The following NRG1 variants were observed in gnomAD, a reference collection of about 807,000 sequenced individuals.
NRG1 encodes the protein pro-neuregulin-1, membrane-bound isoform.
Under a neutral mutation model 63.8 loss-of-function variants are expected in NRG1, and 18 were observed. The observed-to-expected ratio is 0.28, with a 90% CI of 0.19 to 0.42. The LOEUF (loss-of-function observed/expected upper bound fraction) is 0.42. Ranked by LOEUF, NRG1 falls within the 10% of genes least tolerant of loss-of-function variation. NRG1 has a pLI of 1.00. For synonymous variants in NRG1, 302 were observed against 301.3 expected, an observed-to-expected ratio of 1.00 and a Z score of -0.02; for missense variants, 762 against 814.7, an observed-to-expected ratio of 0.94 and a Z score of 0.79.
intron 1 of NRG1, among the ~76,000 whole-genome samples, chr8:32,156,926 G>T (rs1335012287): frequency 6.6e-6 from 1 of 152,134 alleles, no homozygotes; most frequent in Non-Finnish European, 1.5e-5. Context: ...AACAGAGTGA[G>T]ACCCTATCTC....
intron 1 of NRG1, among the ~76,000 whole-genome samples, chr8:32,329,581 C>T (rs867633298): frequency 2.6e-5 from 4 of 152,126 alleles, no homozygotes; most frequent in African/African-American, 7.2e-5. Flanking sequence ...AAGTTGATGG[C>T]TCTCAGTCCT....
intron 1 of NRG1, among the ~76,000 whole-genome samples, chr8:32,392,790 TA>T (rs1811944349): frequency 6.6e-6 from 1 of 152,182 alleles, no homozygotes. Flanking sequence ...GAGTCTTAAG[TA>T]AAAATCTTTT....
chr8:32,580,363 G>A (rs1840422739), intron 1 of NRG1, among the ~76,000 whole-genome samples: 2 of 152,072 alleles, frequency 1.3e-5, no homozygotes, highest in Non-Finnish European at 2.9e-5. Context: ...TCAACTCTAA[G>A]TGGGCAGTTA....
intron 1 of NRG1, among the ~76,000 whole-genome samples, chr8:31,988,338 T>TA (rs1810444646): frequency 6.6e-6 from 1 of 152,100 alleles, no homozygotes; most frequent in Admixed American, 6.6e-5. Context: ...CCCACTCCCC[T>TA]AGTCCTCTTC....
At chr8:31,787,365 A>G (rs1249803766) in intron 1 of NRG1, among the ~76,000 whole-genome samples, 1 of 152,054 alleles carries the variant, frequency 6.6e-6, no homozygotes, top group African/African-American at 2.4e-5. Flanking sequence ...CAGGGATTTA[A>G]ATAATGATTA....
rs143245706 is a variant in NRG1 at position 31,745,690 on chromosome 8, T to C, written c.37+106259T>C. ...GCATTAATATTTCTTTATGTATACA[T>C]TGAGACTCTGTGATGATACCTACCG... On this transcript the variant is annotated intron_variant, in intron 1 of 10. Coordinates refer to the NRG1 transcript ENST00000519301. 1.5e-4 allele frequency among the ~76,000 whole-genome samples: 23 copies of C among 152,044 alleles called. No homozygotes were observed. In the East Asian group the frequency reaches 3.7e-3, roughly 24 times the overall value.
At chr8:32,403,224 G>C (rs946452760) in intron 1 of NRG1, among the ~76,000 whole-genome samples, 1 of 149,912 alleles carries the variant, frequency 6.7e-6, no homozygotes, top group African/African-American at 2.5e-5. Flanking sequence ...CTTGAACCTG[G>C]AAGGCAGAAA....
chr8:32,649,449 TTAG>T (rs1430031365), intron 5 of NRG1, among the ~76,000 whole-genome samples: 1 of 152,182 alleles, frequency 6.6e-6, no homozygotes, highest in Non-Finnish European at 1.5e-5. Context: ...GAATATTTAC[TTAG>T]TAGAAAAGTA....
At chr8:32,734,309 C>T (rs903824005) in intron 6 of NRG1, among the ~76,000 whole-genome samples, 13 of 152,126 alleles carry the variant, frequency 8.5e-5, no homozygotes, top group Non-Finnish European at 1.0e-4. Flanking sequence ...AAGGGGGCAA[C>T]GGTACAAACT....
chr8:31,745,443 G>A lies in NRG1; in HGVS notation c.37+106012G>A, dbSNP rs567534931. On this transcript the variant is annotated intron_variant, in intron 1 of 10. Coordinates refer to the NRG1 transcript ENST00000519301. ...TGCAAATATAATTACAAAGTGATAC[G>A]AACTGTTAAATTGGACAAGTTTAGA... Among the ~76,000 whole-genome samples the A allele has an allele frequency of 2.2e-4, 34 of 152,052 alleles. 1 individual carries two copies. In the South Asian group the frequency reaches 5.6e-3, roughly 25 times the overall value.
At chr8:31,919,166 T>C (rs1047203891) in intron 1 of NRG1, among the ~76,000 whole-genome samples, 6 of 152,160 alleles carry the variant, frequency 3.9e-5, no homozygotes, top group African/African-American at 1.4e-4. Flanking sequence ...CCTGGATTCA[T>C]TGATTTTTTT....
At chr8:31,676,355 T>A (rs2131029310) in intron 1 of NRG1, among the ~76,000 whole-genome samples, 1 of 152,292 alleles carries the variant, frequency 6.6e-6, no homozygotes, top group Middle Eastern at 3.4e-3. Context: ...TTGACCCCAA[T>A]TTATGGATGC....
intron 1 of NRG1, among the ~76,000 whole-genome samples, chr8:31,915,523 A>T (rs1833308167): frequency 6.6e-6 from 1 of 152,158 alleles, no homozygotes; most frequent in Admixed American, 6.6e-5. Context: ...AAACTGAGTT[A>T]TGTCTTAGCT....
At chr8:32,377,941 C>A (rs188070691) in intron 1 of NRG1, among the ~76,000 whole-genome samples, 1 of 152,188 alleles carries the variant, frequency 6.6e-6, no homozygotes, top group Admixed American at 6.5e-5. Flanking sequence ...TAAATATTTG[C>A]CAAACTAATG....
At chr8:32,061,685 G>A (rs1481379638) in intron 1 of NRG1, 1 of 151,922 alleles carries the variant, frequency 6.6e-6, no homozygotes, top group Non-Finnish European at 1.5e-5. Context: ...GTCACAACTA[G>A]GAAAGTCACG....
chr8:32,366,778 C>T (rs1399567007), intron 1 of NRG1, among the ~76,000 whole-genome samples: 1 of 148,310 alleles, frequency 6.7e-6, no homozygotes, highest in East Asian at 2.0e-4. Flanking sequence ...GTGGTGCAAT[C>T]TCAGCTAACT....
chr8:32,208,291 T>TC (rs1844290369), intron 1 of NRG1, among the ~76,000 whole-genome samples: 1 of 152,082 alleles, frequency 6.6e-6, no homozygotes, highest in Non-Finnish European at 1.5e-5. Context: ...TTTAATTTTT[T>TC]TTTTTTTTTT....
At chr8:32,080,626 C>T (rs1043511915) in intron 1 of NRG1, among the ~76,000 whole-genome samples, 7 of 152,124 alleles carry the variant, frequency 4.6e-5, no homozygotes, top group African/African-American at 1.2e-4. Context: ...AGAGTAGGTC[C>T]TTCAAAACCA....
chr8:32,671,188 T>G (rs1805570860), intron 5 of NRG1, among the ~76,000 whole-genome samples: 1 of 152,068 alleles, frequency 6.6e-6, no homozygotes, highest in African/African-American at 2.4e-5. Flanking sequence ...AGGTTAGCTT[T>G]TTGACTAATG....
Sources: allele counts gnomAD v4.1 joint callset (sites outside exome capture counted in the v4.1 genomes callset), GRCh38; gene constraint gnomAD v4.1.1; transcripts MANE v1.5; gene names NCBI Gene and HGNC (gene_info 2026-07-23, HGNC 2026-07-21).